PCDH9: variants seen among roughly 807,000 people sequenced by gnomAD.
PCDH9 encodes the protein protocadherin 9.
In PCDH9, 24 loss-of-function variants were observed where a neutral mutation model predicts 70.6. That is an observed-to-expected ratio of 0.34 (90% CI 0.25 to 0.48). The LOEUF is 0.48. Ranked by LOEUF, PCDH9 falls within the 20% of genes least tolerant of loss-of-function variation. The pLI is 0.99. For synonymous variants in PCDH9, 562 were observed against 558.5 expected, an observed-to-expected ratio of 1.01 and a Z score of -0.09; for missense variants, 1,281 against 1,503.6, an observed-to-expected ratio of 0.85 and a Z score of 2.45.
At chr13:67,208,123 C>CT (rs1411543481) in intron 2 of PCDH9, 1 of 152,162 alleles carries the variant, frequency 6.6e-6, no homozygotes, top group East Asian at 1.9e-4. Context: ...TGACAATGCT[C>CT]TATGAACTCA....
chr13:66,427,441 G>C (rs962335695), intron 4 of PCDH9, among the ~76,000 whole-genome samples: 1 of 151,604 alleles, frequency 6.6e-6, no homozygotes, highest in African/African-American at 2.4e-5. Flanking sequence ...TTAACCACAT[G>C]TCATGTGTAG....
intron 4 of PCDH9, among the ~76,000 whole-genome samples, chr13:66,431,155 T>C (rs1356792883): frequency 6.6e-6 from 1 of 152,168 alleles, no homozygotes; most frequent in East Asian, 1.9e-4. Flanking sequence ...TCTATAATAG[T>C]TCATAGATTC....
At chr13:66,529,886 A>G (rs1174370908) in intron 4 of PCDH9, among the ~76,000 whole-genome samples, 2 of 151,864 alleles carry the variant, frequency 1.3e-5, no homozygotes, top group Non-Finnish European at 2.9e-5. Context: ...TGTTAAAAAA[A>G]AAAAAGCACT....
chr13:66,845,130 A>G (rs1343009840), intron 3 of PCDH9, among the ~76,000 whole-genome samples: 1 of 152,112 alleles, frequency 6.6e-6, no homozygotes, highest in East Asian at 1.9e-4. Context: ...CCTGGCTTGA[A>G]GGTGGGGCTT....
intron 2 of PCDH9, among the ~76,000 whole-genome samples, chr13:67,181,671 A>T (rs2088618961): frequency 6.6e-6 from 1 of 152,188 alleles, no homozygotes; most frequent in Non-Finnish European, 1.5e-5. Flanking sequence ...AAGCAAAGTA[A>T]GTGAATCTTG....
rs150620197 is a variant in PCDH9 at position 66,437,381 on chromosome 13, G to A, written c.3341-132353C>T. 1.2e-3 allele frequency among the ~76,000 whole-genome samples: 134 copies of A among 107,764 alleles called. No homozygotes were observed. In the Middle Eastern group the frequency reaches 0.03, roughly 24 times the overall value. 70.7% of individuals were successfully genotyped at this position (107,764 alleles called of 152,430 possible). A position where few individuals can be genotyped will look rare whatever the true frequency, so the allele number is the denominator to read the frequency against. ...GATCGCTCCACCGCACTCCAGCCTG[G>A]GTGACAGAGCAAGACTCTGTCTCAA... On this transcript the variant is annotated intron_variant, in intron 4 of 4. Coordinates refer to ENST00000377865, the MANE Select transcript of PCDH9 (RefSeq NM_203487.3).
At chr13:66,849,890 G>A (rs925092121) in intron 3 of PCDH9, among the ~76,000 whole-genome samples, 2 of 152,126 alleles carry the variant, frequency 1.3e-5, no homozygotes, top group Non-Finnish European at 2.9e-5. Context: ...TTAGCATACA[G>A]GGAATGTCAG....
intron 4 of PCDH9, among the ~76,000 whole-genome samples, chr13:66,626,319 G>C (rs1476496977): frequency 1.3e-5 from 2 of 152,182 alleles, no homozygotes; most frequent in African/African-American, 4.8e-5. Flanking sequence ...ACATCGTAGA[G>C]TCCAGGGAGT....
At chr13:67,040,500 A>G (rs1017407609) in intron 2 of PCDH9, among the ~76,000 whole-genome samples, 5 of 152,136 alleles carry the variant, frequency 3.3e-5, no homozygotes, top group Admixed American at 3.3e-4. Flanking sequence ...ATGTGAGCAT[A>G]TGTACAAAGA....
chr13:66,692,638 T>G lies in PCDH9; in HGVS notation c.3139-61227A>C, dbSNP rs150632790. On this transcript the variant is annotated intron_variant, in intron 3 of 4. Transcript: ENST00000377865. ...CTTAAGCTGCTTCTAGTTAGGATAC[T>G]ATATAATATTTTACTCAAATACTCT... Among the ~76,000 whole-genome samples, 18 of 152,226 alleles carry G rather than the reference T, an allele frequency of 1.2e-4. No individual in the cohort carries two copies. The East Asian group carries it at 3.5e-3, about 29-fold the overall frequency.
intron 2 of PCDH9, among the ~76,000 whole-genome samples, chr13:66,949,848 G>A (rs1337371495): frequency 6.6e-6 from 1 of 152,036 alleles, no homozygotes; most frequent in African/African-American, 2.4e-5. Flanking sequence ...CCAGTTCCGA[G>A]TAAATGGGTT....
At position 67,150,096 on chromosome 13, in the gene PCDH9, C is replaced by T. The variant is rs112755468; in HGVS notation, c.3036+75309G>A. On this transcript the variant is annotated intron_variant, in intron 2 of 4. Transcript: ENST00000377865. ...AGTCTCACTCTGTCACTCAGGCTGA[C>T]GTGCAGTGCTCCGTGCAACATCTGC... Among the ~76,000 whole-genome samples, 1,152 of 152,188 alleles carry T rather than the reference C, an allele frequency of 7.6e-3. 13 individuals are homozygous for T. Among genetic ancestry groups the T allele is most frequent in the Non-Finnish European group, 0.012 (837 of 68,004 alleles).
chr13:67,076,873 G>A (rs934073637), intron 2 of PCDH9, among the ~76,000 whole-genome samples: 1 of 152,000 alleles, frequency 6.6e-6, no homozygotes, highest in Non-Finnish European at 1.5e-5. Context: ...TATTACCATT[G>A]CTACAAACTT....
chr13:67,163,843 C>T (rs2088030353), intron 2 of PCDH9, among the ~76,000 whole-genome samples: 1 of 152,018 alleles, frequency 6.6e-6, no homozygotes, highest in African/African-American at 2.4e-5. Flanking sequence ...AAATGTAATC[C>T]AGATTCTTTA....
chr13:66,941,243 C>T (rs2139682887), intron 2 of PCDH9, among the ~76,000 whole-genome samples: 1 of 150,668 alleles, frequency 6.6e-6, no homozygotes, highest in East Asian at 2.0e-4. Context: ...CCTAAAGCAA[C>T]CAATAAAAAT....
intron 4 of PCDH9, among the ~76,000 whole-genome samples, chr13:66,419,969 T>C (rs1282597997): frequency 6.6e-6 from 1 of 152,092 alleles, no homozygotes; most frequent in African/African-American, 2.4e-5. Flanking sequence ...CTATCTGGGA[T>C]GCTCCAGCTT....
At chr13:66,889,347 T>C (rs1439533304) in intron 3 of PCDH9, among the ~76,000 whole-genome samples, 1 of 152,190 alleles carries the variant, frequency 6.6e-6, no homozygotes, top group Non-Finnish European at 1.5e-5. Flanking sequence ...TGGAAGAACA[T>C]AATTTTTTTG....
chr13:67,021,957 T>C (rs1326867928), intron 2 of PCDH9, among the ~76,000 whole-genome samples: 3 of 152,070 alleles, frequency 2.0e-5, no homozygotes, highest in Non-Finnish European at 4.4e-5. Context: ...ACATACCACT[T>C]GGATTTTTAA....
chr13:66,981,417 G>C (rs2083766224), intron 2 of PCDH9, among the ~76,000 whole-genome samples: 1 of 137,060 alleles, frequency 7.3e-6, no homozygotes, highest in African/African-American at 2.8e-5. Flanking sequence ...CAGCCTGGGT[G>C]ACAGAGCGAG....
Sources: gnomAD v4.1 joint callset for allele counts (sites outside exome capture counted in the v4.1 genomes callset) on GRCh38, gnomAD v4.1.1 for gene constraint, MANE v1.5 for transcripts, NCBI Gene and HGNC (gene_info 2026-07-23, HGNC 2026-07-21) for gene names.